Variants in EXOC5 observed in about 807,000 individuals in gnomAD.
EXOC5 encodes exocyst complex component 5.
Under a neutral mutation model 90.8 loss-of-function variants are expected in EXOC5, and 17 were observed. The ratio of observed to expected loss-of-function variants is 0.19; its 90% CI spans 0.13 to 0.28. The LOEUF (loss-of-function observed/expected upper bound fraction) is 0.28. Among genes scored for constraint, EXOC5 ranks in the 10% least tolerant of loss-of-function variants. The probability of loss-of-function intolerance (pLI) is 1.00; values close to 1 mark genes in which losing one functional copy is unlikely to be tolerated. For synonymous variants in EXOC5, 260 were observed against 270.0 expected (o/e 0.96, Z 0.36); for missense variants, 569 against 830.6 (o/e 0.69, Z 3.87).
At chr14:57,250,695 G>C (rs1019722150) in intron 1 of EXOC5, among the ~76,000 whole-genome samples, 2 of 152,070 alleles carry the variant, frequency 1.3e-5, no homozygotes, top group African/African-American at 4.8e-5. Context: ...TGTTTAACAG[G>C]TATAGACACA....
At chr14:57,240,561 C>A (rs1235854752) in intron 4 of EXOC5, among the ~76,000 whole-genome samples, 3 of 152,032 alleles carry the variant, frequency 2.0e-5, no homozygotes. Context: ...GGATTACAGG[C>A]GTGAGCCACC....
chr14:57,249,309 A>C (rs1884119130), intron 1 of EXOC5, among the ~76,000 whole-genome samples: 1 of 152,070 alleles, frequency 6.6e-6, no homozygotes, highest in African/African-American at 2.4e-5. Context: ...CCCTTTCCCT[A>C]TCATTTTCTT....
chr14:57,242,881 T>C (rs1451729749), intron 4 of EXOC5, among the ~76,000 whole-genome samples: 1 of 152,182 alleles, frequency 6.6e-6, no homozygotes, highest in Non-Finnish European at 1.5e-5. Flanking sequence ...TAAAGATAAA[T>C]ATGGTACGTT....
chr14:57,247,950 G>A (rs1477641602), intron 1 of EXOC5, among the ~76,000 whole-genome samples: 2 of 151,682 alleles, frequency 1.3e-5, no homozygotes, highest in East Asian at 3.9e-4. Flanking sequence ...ATGACCAACT[G>A]GAACAACTCA....
chr14:57,265,754 A>T (rs1477979139), intron 1 of EXOC5, among the ~76,000 whole-genome samples: 2 of 152,200 alleles, frequency 1.3e-5, no homozygotes, highest in Non-Finnish European at 2.9e-5. Flanking sequence ...TTCTGAGCCC[A>T]GCCACTTTGT....
intron 15 of EXOC5, 137 bp downstream of exon 15, chr14:57,217,845 T>C (rs139032622): frequency 1.1e-4 from 69 of 634,868 alleles, no homozygotes; most frequent in Admixed American, 4.0e-4. Context: ...GAAGGCAATA[T>C]GTAAAAATAA....
chr14:57,218,141 ATG>A, intron 14 of EXOC5, 73 bp from the exon 15 acceptor site: 2 of 702,776 alleles, frequency 2.8e-6, no homozygotes, highest in Non-Finnish European at 2.5e-6. Flanking sequence ...TCATACACCT[ATG>A]TGTATTACAT....
chr14:57,239,577 C>G lies in EXOC5; in HGVS notation c.530+18G>C. On this transcript the variant is annotated intron_variant, in intron 5 of 17. Coordinates refer to ENST00000621441, the MANE Select transcript of EXOC5 (RefSeq NM_006544.4). ...ATTATACCACATATTCAAATTAGCT[C>G]TTGAGAAATGAACTTGCCTATCAAA... 1 of 1,376,642 alleles carries G rather than the reference C, an allele frequency of 7.3e-7. No individual in the cohort carries two copies. The highest frequency in any genetic ancestry group is 1.0e-6 in the Non-Finnish European group (1 of 1,000,730). The allele number at this position is 1,376,642 out of a possible 1,614,324, so 85.3% of individuals were successfully genotyped here. A position where few individuals can be genotyped will look rare whatever the true frequency, so the allele number is the denominator to read the frequency against.
At chr14:57,242,132 G>GAAAAAAAAA (rs556701550) in intron 4 of EXOC5, among the ~76,000 whole-genome samples, 3 of 77,834 alleles carry the variant, frequency 3.9e-5, no homozygotes, top group Non-Finnish European at 7.6e-5. Flanking sequence ...GACTCCGTCT[G>GAAAAAAAAA]AAAAAAAAAA....
intron 12 of EXOC5, among the ~76,000 whole-genome samples, chr14:57,223,925 C>T (rs1883226929): frequency 6.6e-6 from 1 of 152,024 alleles, no homozygotes; most frequent in Non-Finnish European, 1.5e-5. Flanking sequence ...TAATAAATTC[C>T]TAAATATTTG....
intron 1 of EXOC5, chr14:57,268,269 C>T (rs998565935): frequency 1.3e-4 from 53 of 400,758 alleles, no homozygotes; most frequent in African/African-American, 1.1e-3. Flanking sequence ...GCTCTCTTTC[C>T]TCGTCCTGAG....
intron 12 of EXOC5, among the ~76,000 whole-genome samples, chr14:57,229,339 T>C (rs2139632112): frequency 6.6e-6 from 1 of 152,258 alleles, no homozygotes; most frequent in Admixed American, 6.5e-5. Flanking sequence ...AACTACATAG[T>C]CAGTTCTCTC....
intron 1 of EXOC5, among the ~76,000 whole-genome samples, chr14:57,260,143 G>T (rs928882708): frequency 6.6e-6 from 1 of 152,052 alleles, no homozygotes; most frequent in African/African-American, 2.4e-5. Flanking sequence ...CATTTTCTTT[G>T]ATTTTTCAGT....
At chr14:57,236,945 T>C (rs1257741763) in intron 6 of EXOC5, among the ~76,000 whole-genome samples, 2 of 151,652 alleles carry the variant, frequency 1.3e-5, no homozygotes, top group African/African-American at 2.4e-5. Flanking sequence ...CAGAGATAGA[T>C]GTATGGAAAG....
chr14:57,261,844 G>C (rs537737974), intron 1 of EXOC5, among the ~76,000 whole-genome samples: 37 of 152,324 alleles, frequency 2.4e-4, no homozygotes, highest in African/African-American at 7.9e-4. Context: ...TGGCATGGCT[G>C]CTAGAGTCCA....
intron 1 of EXOC5, among the ~76,000 whole-genome samples, chr14:57,256,535 T>C (rs1433888971): frequency 6.6e-6 from 1 of 152,198 alleles, no homozygotes; most frequent in Admixed American, 6.5e-5. Flanking sequence ...AACCAGAATG[T>C]CAGAAGAGCT....
intron 4 of EXOC5, among the ~76,000 whole-genome samples, chr14:57,242,089 C>A (rs1444081221): frequency 1.4e-5 from 2 of 146,294 alleles, no homozygotes; most frequent in African/African-American, 2.5e-5. Flanking sequence ...GCCGAGATTG[C>A]GCCACTGCAC....
chr14:57,244,106 C>A (rs1270011407), intron 4 of EXOC5, 59 bp downstream of exon 4: 6 of 1,126,906 alleles, frequency 5.3e-6, no homozygotes, highest in Non-Finnish European at 6.6e-6. Context: ...TATTGCAGCT[C>A]ATAATTAGGG....
In EXOC5 at chr14:57,247,634, C is replaced by T. The variant is rs751014843; in HGVS notation, c.106G>A (p.Ala36Thr). ...PGGGSRGGPE[A>T]FDPKRLLEEF... ...TTATTTCACCTTTTAGGATCAAAAG[C>T]TTCAGGTCCACCTCTAGAGCCTCCT... The change falls in exon 2 of 18, where the codon GCT becomes ACT. Residue 36 changes from alanine to threonine, a missense_variant. By Grantham distance (58) the Ala-to-Thr change is moderately conservative (BLOSUM62 0). Coordinates refer to ENST00000621441, the MANE Select transcript of EXOC5 (RefSeq NM_006544.4). 4.5e-6 allele frequency: 7 copies of T among 1,554,156 alleles called. No individual in the cohort carries two copies. In the South Asian group the frequency reaches 6.0e-5, roughly 13 times the overall value.
Sources: gnomAD v4.1 joint callset for allele counts (sites outside exome capture counted in the v4.1 genomes callset) on GRCh38, gnomAD v4.1.1 for gene constraint, MANE v1.5 for transcripts, NCBI Gene and HGNC (gene_info 2026-07-23, HGNC 2026-07-21) for gene names.